The following MARCHF11 variants were observed in gnomAD, a reference collection of about 807,000 sequenced individuals.
MARCHF11 encodes E3 ubiquitin-protein ligase MARCHF11.
Under a neutral mutation model 37.3 loss-of-function variants are expected in MARCHF11, and 29 were observed. The ratio of observed to expected loss-of-function variants is 0.78; its 90% CI spans 0.58 to 1.06. The LOEUF is 1.06. MARCHF11 is among the 50% of genes least tolerant of loss of function. The pLI, the probability that MARCHF11 is intolerant of heterozygous loss-of-function variation, is 0.00. For missense variants in MARCHF11, 482 were observed against 533.4 expected (o/e 0.90, Z 0.95); for synonymous variants, 233 against 228.0 (o/e 1.02, Z -0.20).
chr5:16,154,040 T>C (rs889769988), intron 2 of MARCHF11, among the ~76,000 whole-genome samples: 4 of 151,924 alleles, frequency 2.6e-5, no homozygotes, highest in African/African-American at 9.7e-5. Flanking sequence ...CTGGACTTGA[T>C]AACACAGAGC....
At chr5:16,176,776 G>A (rs1738371806) in intron 2 of MARCHF11, among the ~76,000 whole-genome samples, 1 of 152,076 alleles carries the variant, frequency 6.6e-6, no homozygotes, top group Admixed American at 6.5e-5. Context: ...TAAATTGGGT[G>A]ATTTAGATAG....
intron 3 of MARCHF11, among the ~76,000 whole-genome samples, chr5:16,087,020 C>T (rs999455787): frequency 6.6e-6 from 1 of 152,198 alleles, no homozygotes; most frequent in Non-Finnish European, 1.5e-5. Context: ...TCAGCTGTTA[C>T]TTCTCCCTAA....
At chr5:16,124,065 T>G (rs910267912) in intron 2 of MARCHF11, among the ~76,000 whole-genome samples, 3 of 152,164 alleles carry the variant, frequency 2.0e-5, no homozygotes, top group African/African-American at 4.8e-5. Context: ...TAAAACAGGC[T>G]AATGTTTGAA....
At chr5:16,090,320 A>G (rs1736770937) in intron 3 of MARCHF11, among the ~76,000 whole-genome samples, 1 of 152,170 alleles carries the variant, frequency 6.6e-6, no homozygotes, top group African/African-American at 2.4e-5. Context: ...TTTAGCTAAA[A>G]TGTTCGATAC....
chr5:16,149,548 A>G (rs1339291826), intron 2 of MARCHF11, among the ~76,000 whole-genome samples: 1 of 152,070 alleles, frequency 6.6e-6, no homozygotes, highest in Non-Finnish European at 1.5e-5. Context: ...TTGATGGCCC[A>G]AATTCTTCAC....
intron 2 of MARCHF11, among the ~76,000 whole-genome samples, chr5:16,123,297 C>T (rs1443065764): frequency 6.6e-6 from 1 of 151,990 alleles, no homozygotes; most frequent in Non-Finnish European, 1.5e-5. Context: ...GACTGGTCTC[C>T]TTATAAGAAG....
intron 2 of MARCHF11, chr5:16,141,709 TA>T (rs1177514171): frequency 6.6e-6 from 1 of 152,164 alleles, no homozygotes; most frequent in Non-Finnish European, 1.5e-5. Flanking sequence ...TAAAATCCAA[TA>T]AAATCTACTT....
At chr5:16,076,549 T>C (rs1736521363) in intron 3 of MARCHF11, among the ~76,000 whole-genome samples, 1 of 152,198 alleles carries the variant, frequency 6.6e-6, no homozygotes, top group Non-Finnish European at 1.5e-5. Context: ...TCTCAATTCT[T>C]GGACAGATGA....
At chr5:16,163,641 A>T (rs536206734) in intron 2 of MARCHF11, among the ~76,000 whole-genome samples, 8 of 152,234 alleles carry the variant, frequency 5.3e-5, no homozygotes, top group African/African-American at 1.9e-4. Context: ...GCAAATAGTA[A>T]ATAAAAGATA....
chr5:16,091,622 T>A (rs1465127579), intron 2 of MARCHF11, among the ~76,000 whole-genome samples: 1 of 152,226 alleles, frequency 6.6e-6, no homozygotes, highest in African/African-American at 2.4e-5. Context: ...TTGTACATTA[T>A]CTGTTATTGG....
At chr5:16,135,696 G>A (rs966968321) in intron 2 of MARCHF11, among the ~76,000 whole-genome samples, 6 of 152,066 alleles carry the variant, frequency 3.9e-5, no homozygotes, top group African/African-American at 1.4e-4. Context: ...CAGGCCTACT[G>A]AGAAAATACC....
chr5:16,115,625 G>C (rs1038963465), intron 2 of MARCHF11, among the ~76,000 whole-genome samples: 3 of 129,300 alleles, frequency 2.3e-5, no homozygotes, highest in African/African-American at 9.3e-5. Flanking sequence ...CTTGGAGCTT[G>C]TTTGCTTTTT....
At chr5:16,088,252 G>A (rs1736732218) in intron 3 of MARCHF11, among the ~76,000 whole-genome samples, 2 of 152,072 alleles carry the variant, frequency 1.3e-5, no homozygotes, top group African/African-American at 4.8e-5. Flanking sequence ...CTGTGCATAC[G>A]TCCACAACTG....
chr5:16,107,696 C>T (rs1737067385), intron 2 of MARCHF11, among the ~76,000 whole-genome samples: 1 of 151,984 alleles, frequency 6.6e-6, no homozygotes, highest in African/African-American at 2.4e-5. Flanking sequence ...GATCACGCCC[C>T]CCTATCCTGT....
chr5:16,114,639 T>C lies in MARCHF11; in HGVS notation c.694-23558A>G, dbSNP rs543699003. On this transcript the variant is annotated intron_variant, in intron 2 of 3. Coordinates refer to ENST00000332432, the MANE Select transcript of MARCHF11 (RefSeq NM_001102562.3). Reference sequence around the variant, plus strand: ...ATCCACTGCCTGTGTGTAACAAGGGTTGATATTCTTAGAAGCTTTACTTTT... The same window carrying C: ...ATCCACTGCCTGTGTGTAACAAGGGCTGATATTCTTAGAAGCTTTACTTTT... Among the ~76,000 whole-genome samples the C allele has an allele frequency of 2.0e-5, 3 of 151,678 alleles. No homozygotes were observed. In the East Asian group the frequency reaches 5.8e-4, roughly 29 times the overall value.
chr5:16,106,915 G>C (rs1737050210), intron 2 of MARCHF11, among the ~76,000 whole-genome samples: 1 of 152,026 alleles, frequency 6.6e-6, no homozygotes, highest in African/African-American at 2.4e-5. Flanking sequence ...ATTCTCTCTG[G>C]GGTCATATAT....
At chr5:16,083,865 G>A (rs758210997) in intron 3 of MARCHF11, among the ~76,000 whole-genome samples, 2 of 152,262 alleles carry the variant, frequency 1.3e-5, no homozygotes, top group South Asian at 2.1e-4. Context: ...GGAGGACGAC[G>A]ATGACCTAAA....
intron 3 of MARCHF11, among the ~76,000 whole-genome samples, chr5:16,085,524 A>C (rs1736679160): frequency 7.0e-6 from 1 of 143,840 alleles, no homozygotes; most frequent in African/African-American, 2.5e-5. Flanking sequence ...AATGTCAAAC[A>C]AGTGATGATA....
intron 2 of MARCHF11, among the ~76,000 whole-genome samples, chr5:16,123,332 G>C (rs1019921378): frequency 6.6e-6 from 1 of 152,120 alleles, no homozygotes; most frequent in African/African-American, 2.4e-5. Context: ...TGGGTACAGA[G>C]GGAAGACCTC....
Sources: allele counts gnomAD v4.1 joint callset (sites outside exome capture counted in the v4.1 genomes callset), GRCh38; gene constraint gnomAD v4.1.1; transcripts MANE v1.5; gene names NCBI Gene and HGNC (gene_info 2026-07-23, HGNC 2026-07-21).